INHBC: variants seen among roughly 807,000 people sequenced by gnomAD.
The protein encoded by INHBC is inhibin beta C chain.
A neutral mutation model predicts 12.4 loss-of-function variants in INHBC; 10 were observed. The observed-to-expected ratio is 0.81, with a 90% confidence interval of 0.50 to 1.37. The LOEUF (loss-of-function observed/expected upper bound fraction) is 1.37, where lower values mean the gene tolerates loss of function less well. Among genes scored for constraint, INHBC ranks in the 40% most tolerant of loss-of-function variants. The probability of loss-of-function intolerance (pLI) is 0.00; values close to 1 mark genes in which losing one functional copy is unlikely to be tolerated. For synonymous variants in INHBC, 147 were observed against 171.6 expected (o/e 0.86, Z 1.12); for missense variants, 382 against 439.4 (o/e 0.87, Z 1.17).
In INHBC at chr12:57,447,892, A is replaced by T. The variant is rs67002018; in HGVS notation, c.314-1385A>T. 1.0e-2 allele frequency among the ~76,000 whole-genome samples: 196 copies of T among 19,676 alleles called. 2 individuals are homozygous for T. The highest frequency in any genetic ancestry group is 0.015 in the African/African-American group (93 of 6,326). The allele number at this position is 19,676 out of a possible 152,430, so 12.9% of individuals were successfully genotyped here. ...AAAAAAAAAAAAAAAAAAAAAAAAA[A>T]ATATATATATATATATATATATATA... On this transcript the variant is annotated intron_variant, in intron 1 of 1. Coordinates refer to ENST00000309668, the MANE Select transcript of INHBC (RefSeq NM_005538.4).
At chr12:57,445,784 A>G (rs73119325) in intron 1 of INHBC, among the ~76,000 whole-genome samples, 3,741 of 131,240 alleles carry the variant, frequency 0.029, 63 homozygotes, top group Non-Finnish European at 0.04. Context: ...TCTGTCATCC[A>G]GGCTAGAGTG....
chr12:57,449,242 A>G, intron 1 of INHBC, 35 bp from the exon 2 acceptor site: 1 of 1,576,436 alleles, frequency 6.3e-7, no homozygotes, highest in Non-Finnish European at 8.6e-7. Flanking sequence ...TGACAGTCAG[A>G]AGGCCGCAAT....
At chr12:57,447,280 G>A (rs1326882758) in intron 1 of INHBC, among the ~76,000 whole-genome samples, 1 of 152,026 alleles carries the variant, frequency 6.6e-6, no homozygotes, top group African/African-American at 2.4e-5. Flanking sequence ...TGCCTCCCAA[G>A]TTCAAGCGAT....
intron 1 of INHBC, among the ~76,000 whole-genome samples, chr12:57,445,682 A>G: frequency 6.9e-6 from 1 of 145,450 alleles, no homozygotes; most frequent in South Asian, 2.3e-4. Context: ...TAAGGCCAGG[A>G]GTTCAAGACC....
chr12:57,442,927 G>T (rs1183756355), intron 1 of INHBC, among the ~76,000 whole-genome samples: 1 of 150,298 alleles, frequency 6.7e-6, no homozygotes, highest in East Asian at 2.0e-4. Context: ...GGAGGCTGAG[G>T]TTGCAGTGAG....
Position 57,449,733 on chromosome 12 carries a change from G to C in INHBC, c.770G>C (p.Arg257Pro), listed in dbSNP as rs7974137. 6.2e-7 allele frequency: 1 copy of C among 1,614,254 alleles called. No individual in the cohort carries two copies. Among genetic ancestry groups the C allele is most frequent in the Non-Finnish European group, 8.5e-7 (1 of 1,180,054 alleles). Residue 257 changes from arginine to proline, a missense_variant, in exon 2 of 2, where the codon CGT (arginine) becomes CCT (proline). Arg to Pro is a moderately radical substitution (Grantham distance 103). Coordinates refer to ENST00000309668, the MANE Select transcript of INHBC (RefSeq NM_005538.4). The part of the protein sequence containing the change: ...CCRQEFFVDF[R>P]EIGWHDWIIQ... ...CGACAAGAGTTTTTTGTGGACTTCCGTGAGATTGGCTGGCACGACTGGATC... is the reference window on the plus strand; with the variant it reads ...CGACAAGAGTTTTTTGTGGACTTCCCTGAGATTGGCTGGCACGACTGGATC...
chr12:57,447,180 G>A (rs1022460437), intron 1 of INHBC, among the ~76,000 whole-genome samples: 2 of 152,150 alleles, frequency 1.3e-5, no homozygotes, highest in African/African-American at 2.4e-5. Context: ...AGTAATCATA[G>A]TTTGTTTTTT....
At position 57,436,167 on chromosome 12, in the gene INHBC, C is replaced by CTT. The variant is rs35783961; in HGVS notation, c.313+984_313+985dup. 2.3e-3 allele frequency among the ~76,000 whole-genome samples: 274 copies of CTT among 118,390 alleles called. 1 individual carries two copies. Among genetic ancestry groups the CTT allele is most frequent in the Non-Finnish European group, 2.8e-3 (162 of 57,948 alleles). The allele number at this position is 118,390 out of a possible 152,430, so 77.7% of individuals were successfully genotyped here. A position where few individuals can be genotyped will look rare whatever the true frequency, so the allele number is the denominator to read the frequency against. On this transcript the variant is annotated intron_variant, in intron 1 of 1. Transcript: ENST00000309668. The stretch of plus-strand genomic sequence containing the variant: ...GCAACCCTGTCTCTTTTTTAAAAAA[C>CTT]TTTTTTTTTTTTTTTTTGAAAGAGT...
Position 57,450,103 on chromosome 12 carries a change from G to A in INHBC, c.*81G>A. 7.2e-7 allele frequency: 1 copy of A among 1,389,638 alleles called. No homozygotes were observed. Among genetic ancestry groups the A allele is most frequent in the South Asian group, 1.7e-5 (1 of 58,436 alleles). 86.1% of individuals were successfully genotyped at this position (1,389,638 alleles called of 1,614,324 possible). ...GTGCACTTCCTTGAGAGGAGGGAAT[G>A]ACCTCATTCTCTGTCCAGAATGTGG... On this transcript the variant is annotated 3_prime_UTR_variant, in exon 2 of 2. Coordinates refer to ENST00000309668, the MANE Select transcript of INHBC (RefSeq NM_005538.4).
intron 1 of INHBC, among the ~76,000 whole-genome samples, chr12:57,445,712 G>C (rs1870557869): frequency 9.2e-6 from 1 of 109,020 alleles, no homozygotes; most frequent in African/African-American, 4.0e-5. Flanking sequence ...AACATAGTGA[G>C]ACCCCCCGCC....
intron 1 of INHBC, among the ~76,000 whole-genome samples, chr12:57,443,575 C>T (rs957188814): frequency 2.0e-5 from 3 of 151,808 alleles, no homozygotes; most frequent in African/African-American, 4.8e-5. Flanking sequence ...TGAGCCACTG[C>T]GCCGGGCCTC....
At position 57,451,502 on chromosome 12, in the gene INHBC, C is replaced by T. The variant is rs1870712051; in HGVS notation, c.*1480C>T. 6.6e-6 allele frequency among the ~76,000 whole-genome samples: 1 copy of T among 152,180 alleles called. No individual in the cohort carries two copies. The highest frequency in any genetic ancestry group is 2.4e-5 in the African/African-American group (1 of 41,454). On this transcript the variant is annotated 3_prime_UTR_variant, in exon 2 of 2. Coordinates refer to ENST00000309668, the MANE Select transcript of INHBC (RefSeq NM_005538.4). ...TCCTTTTTAGACCTTTGCCCGTCCT[C>T]CCCCACATCTCCTCCCTTTGGCTGG...
At chr12:57,444,963 T>G (rs763060266) in intron 1 of INHBC, among the ~76,000 whole-genome samples, 1 of 152,192 alleles carries the variant, frequency 6.6e-6, no homozygotes, top group Non-Finnish European at 1.5e-5. Context: ...ATTACAGGCA[T>G]GTGCCACCAC....
intron 1 of INHBC, among the ~76,000 whole-genome samples, chr12:57,441,620 T>G (rs1594727494): frequency 6.6e-6 from 1 of 151,696 alleles, no homozygotes; most frequent in African/African-American, 2.4e-5. Flanking sequence ...CAGTTACTTA[T>G]CAATATAACA....
At chr12:57,441,440 G>A (rs1170913977) in intron 1 of INHBC, among the ~76,000 whole-genome samples, 2 of 147,060 alleles carry the variant, frequency 1.4e-5, no homozygotes, top group African/African-American at 5.0e-5. Flanking sequence ...CAGGAGAATT[G>A]CTTGAACCCA....
intron 1 of INHBC, among the ~76,000 whole-genome samples, chr12:57,446,868 G>T (rs923851091): frequency 1.3e-5 from 2 of 152,098 alleles, no homozygotes; most frequent in African/African-American, 4.8e-5. Context: ...AGATAGAGTG[G>T]CCACTGTTAT....
At chr12:57,444,748 GGCT>G in intron 1 of INHBC, among the ~76,000 whole-genome samples, 1 of 152,008 alleles carries the variant, frequency 6.6e-6, no homozygotes, top group African/African-American at 2.4e-5. Flanking sequence ...GCATGATCTT[GGCT>G]CATTGCAGCT....
intron 1 of INHBC, among the ~76,000 whole-genome samples, chr12:57,440,358 G>C (rs900768030): frequency 7.4e-6 from 1 of 135,506 alleles, no homozygotes; most frequent in African/African-American, 2.7e-5. Context: ...TTTTGAGACG[G>C]AGTCTTGCTA....
At position 57,435,002 on chromosome 12, in the gene INHBC, A is replaced by G. The variant is rs760275764; in HGVS notation, c.116A>G (p.Gln39Arg). 8 of 1,614,096 alleles carry G rather than the reference A, an allele frequency of 5.0e-6. No homozygotes were observed. The highest frequency in any genetic ancestry group is 6.8e-6 in the Non-Finnish European group (8 of 1,180,052). ...GGGCCCACCTTGGAACTGGAGAGCC[A>G]GCGGGAGCTGCTTCTTGATCTGGCC... is the stretch of plus-strand genomic sequence containing the variant. ...CGGPTLELES[Q>R]RELLLDLAKR... The change falls in exon 1 of 2, where the codon CAG (glutamine) becomes CGG (arginine). Residue 39 changes from glutamine to arginine, a missense_variant. By Grantham distance (43) the Gln-to-Arg change is conservative. Coordinates refer to ENST00000309668, the MANE Select transcript of INHBC (RefSeq NM_005538.4).
Sources: allele counts gnomAD v4.1 joint callset (sites outside exome capture counted in the v4.1 genomes callset), GRCh38; gene constraint gnomAD v4.1.1; transcripts MANE v1.5; gene names NCBI Gene and HGNC (gene_info 2026-07-23, HGNC 2026-07-21).